The following OR51B5 variants were observed in gnomAD, a reference collection of about 807,000 sequenced individuals.
OR51B5 encodes olfactory receptor family 51 subfamily B member 5.
For missense variants in OR51B5, 456 were observed against 374.6 expected (o/e 1.22, Z -1.79); for synonymous variants, 186 against 144.8 (o/e 1.28, Z -2.04).
chr11:5,456,475 CTTTAACTTCTTTTTA>C, intron 1 of OR51B5: 1 of 152,178 alleles, frequency 6.6e-6, no homozygotes, highest in Non-Finnish European at 1.5e-5. Context: ...GTTAAAAACT[CTTTAACTTCTTTTTA>C]TTTAACATAA....
At chr11:5,471,191 G>C (rs528704364) in intron 1 of OR51B5, among the ~76,000 whole-genome samples, 11 of 152,142 alleles carry the variant, frequency 7.2e-5, no homozygotes, top group Admixed American at 3.3e-4. Flanking sequence ...TTAGTTATTT[G>C]ATTAGTATCT....
At chr11:5,422,048 A>G (rs1850347577) in intron 1 of OR51B5, 2 of 632,088 alleles carry the variant, frequency 3.2e-6, no homozygotes, top group African/African-American at 1.8e-5. Context: ...ATCATATATC[A>G]CAATGTTCTT....
intron 1 of OR51B5, among the ~76,000 whole-genome samples, chr11:5,364,093 G>A (rs919758531): frequency 8.5e-5 from 13 of 152,088 alleles, no homozygotes; most frequent in Non-Finnish European, 1.5e-5. Context: ...CAATAAGGTC[G>A]ATTATAGATT....
At chr11:5,342,601 A>C (rs745696979) in exon 1 of OR51B5, 1 of 1,588,022 alleles carries the variant, frequency 6.3e-7, no homozygotes, top group African/African-American at 1.4e-5. Context: ...TTCCAATTCT[A>C]TGGGTAGTAA....
chr11:5,376,260 C>G (rs1046160795), intron 1 of OR51B5, among the ~76,000 whole-genome samples: 5 of 152,018 alleles, frequency 3.3e-5, no homozygotes, highest in Admixed American at 6.6e-5. Flanking sequence ...TTCTTTGAAA[C>G]CAATGAGAAC....
intron 1 of OR51B5, among the ~76,000 whole-genome samples, chr11:5,394,605 T>C (rs1849840767): frequency 6.6e-6 from 1 of 152,226 alleles, no homozygotes; most frequent in South Asian, 2.1e-4. Context: ...GTAATTGAAG[T>C]TCACAGAATT....
At chr11:5,389,541 T>C (rs186800052) in intron 1 of OR51B5, 4 of 1,613,962 alleles carry the variant, frequency 2.5e-6, no homozygotes, top group Non-Finnish European at 8.5e-7. Context: ...TTTATGTACA[T>C]GGTTGCCATC....
intron 1 of OR51B5, among the ~76,000 whole-genome samples, chr11:5,374,857 T>C (rs555953545): frequency 2.6e-5 from 4 of 152,204 alleles, no homozygotes; most frequent in East Asian, 1.9e-4. Flanking sequence ...CTAGGTCTGA[T>C]TGGTGTACCT....
At chr11:5,436,469 G>T (rs1850597528) in intron 1 of OR51B5, among the ~76,000 whole-genome samples, 2 of 152,176 alleles carry the variant, frequency 1.3e-5, no homozygotes, top group Admixed American at 1.3e-4. Context: ...CCTATTCAGT[G>T]ACAGAATCTC....
chr11:5,400,164 G>A (rs1849945202), intron 1 of OR51B5, among the ~76,000 whole-genome samples: 1 of 152,064 alleles, frequency 6.6e-6, no homozygotes, highest in South Asian at 2.1e-4. Context: ...GAATTTCCCT[G>A]CCCTACATTT....
Position 5,390,801 on chromosome 11 carries a change from C to T in OR51B5, n.85-43891G>A, listed in dbSNP as rs969773452. Reference sequence around the variant, plus strand: ...CTTCCATGGTTCCTTGGGACTGCTTCCATCTTATCTACCTGGCCAAGTTTC... The same window carrying T: ...CTTCCATGGTTCCTTGGGACTGCTTTCATCTTATCTACCTGGCCAAGTTTC... On this transcript the variant is annotated intron_variant and non_coding_transcript_variant, in intron 1 of 4. Transcript: ENST00000415970. The T allele has an allele frequency of 1.0e-4, 16 of 159,712 alleles. 1 individual carries two copies. Among genetic ancestry groups the T allele is most frequent in the Admixed American group, 8.6e-4 (14 of 16,214 alleles). 9.9% of individuals were successfully genotyped at this position (159,712 alleles called of 1,614,324 possible).
intron 1 of OR51B5, among the ~76,000 whole-genome samples, chr11:5,483,475 C>T (rs2340352): frequency 0.29 from 37,565 of 130,950 alleles, 5,900 homozygotes; most frequent in East Asian, 0.49. Context: ...ACCTGCACAA[C>T]GTGCACATGT....
chr11:5,424,109 G>C (rs927905320), intron 1 of OR51B5, among the ~76,000 whole-genome samples: 1 of 152,144 alleles, frequency 6.6e-6, no homozygotes, highest in African/African-American at 2.4e-5. Context: ...CTATAAATTT[G>C]ATCACAGCTT....
At chr11:5,433,550 G>T (rs1850559492) in intron 1 of OR51B5, among the ~76,000 whole-genome samples, 2 of 152,148 alleles carry the variant, frequency 1.3e-5, no homozygotes, top group Admixed American at 6.5e-5. Flanking sequence ...TAATAAAAAT[G>T]CCCTGCTGGA....
chr11:5,400,359 C>T (rs1423205157), intron 1 of OR51B5, among the ~76,000 whole-genome samples: 1 of 152,060 alleles, frequency 6.6e-6, no homozygotes, highest in Non-Finnish European at 1.5e-5. Flanking sequence ...TATCCTATTA[C>T]ATCTACAGTT....
chr11:5,479,759 C>T (rs1393883803), intron 1 of OR51B5, among the ~76,000 whole-genome samples: 1 of 144,342 alleles, frequency 6.9e-6, no homozygotes, highest in Non-Finnish European at 1.5e-5. Flanking sequence ...TCAAAAGAGA[C>T]AAAGAAGGCC....
intron 1 of OR51B5, among the ~76,000 whole-genome samples, chr11:5,369,678 A>G (rs1849421956): frequency 6.6e-6 from 1 of 152,188 alleles, no homozygotes; most frequent in Admixed American, 6.5e-5. Flanking sequence ...ATAATCTGCC[A>G]TACATTTCTC....
In OR51B5 at chr11:5,386,216, G is replaced by T. The variant is rs144939696; in HGVS notation, n.85-39306C>A. 2.0e-5 allele frequency among the ~76,000 whole-genome samples: 3 copies of T among 152,202 alleles called. No homozygotes were observed. In the East Asian group the frequency reaches 5.8e-4, roughly 29 times the overall value. The stretch of plus-strand genomic sequence containing the variant: ...AATAAAAACAAGAAAAGTATGTGTA[G>T]GGAATTGAAGAAAAAAATGATATGG... On this transcript the variant is annotated intron_variant and non_coding_transcript_variant, in intron 1 of 4. Transcript: ENST00000415970.
At chr11:5,343,369 A>T (rs1407419811) in exon 1 of OR51B5, 1 of 1,613,664 alleles carries the variant, frequency 6.2e-7, no homozygotes, top group East Asian at 2.2e-5. Context: ...GCTCATGAAG[A>T]TTGTGATCTT....
Sources: gnomAD v4.1 joint callset for allele counts (sites outside exome capture counted in the v4.1 genomes callset) on GRCh38, gnomAD v4.1.1 for gene constraint, MANE v1.5 for transcripts, NCBI Gene and HGNC (gene_info 2026-07-23, HGNC 2026-07-21) for gene names.